The following ZC3H18 variants were observed in gnomAD, a reference collection of about 807,000 sequenced individuals.
ZC3H18 encodes zinc finger CCCH-type containing 18.
In ZC3H18, 8 loss-of-function variants were observed where a neutral mutation model predicts 106.1. The observed-to-expected ratio is 0.08, with a 90% confidence interval of 0.04 to 0.14. The LOEUF is 0.14. Among genes scored for constraint, ZC3H18 ranks in the 10% least tolerant of loss-of-function variants. The pLI is 1.00. For synonymous variants in ZC3H18, 635 were observed against 522.1 expected (o/e 1.22, Z -2.95); for missense variants, 1,318 against 1,278.4 (o/e 1.03, Z -0.47).
At chr16:88,605,091 T>C (rs1038364959) in intron 6 of ZC3H18, among the ~76,000 whole-genome samples, 1 of 152,242 alleles carries the variant, frequency 6.6e-6, no homozygotes, top group African/African-American at 2.4e-5. Flanking sequence ...GTCTACCAGA[T>C]GCTGGTCCAG....
intron 6 of ZC3H18, chr16:88,608,567 T>A (rs1905122154): frequency 6.4e-6 from 1 of 156,976 alleles, no homozygotes; most frequent in African/African-American, 2.4e-5. Context: ...TTCTCCATGT[T>A]GGTCAGGCTG....
chr16:88,571,874 G>C (rs576086879), intron 1 of ZC3H18, among the ~76,000 whole-genome samples: 1 of 152,338 alleles, frequency 6.6e-6, no homozygotes, highest in South Asian at 2.1e-4. Context: ...ATTTTAACCA[G>C]ATGTACCAGA....
chr16:88,610,316 G>A (rs564802023), intron 7 of ZC3H18, among the ~76,000 whole-genome samples: 13 of 152,172 alleles, frequency 8.5e-5, no homozygotes, highest in Admixed American at 2.0e-4. Flanking sequence ...GACCAGGTGC[G>A]GCTGTCTCCT....
chr16:88,624,392 G>A (rs1470283914), intron 11 of ZC3H18: 20 of 781,600 alleles, frequency 2.6e-5, no homozygotes, highest in Middle Eastern at 7.4e-4. Context: ...CTGTTAGAGG[G>A]GAGCCTGGAA....
At chr16:88,593,593 C>G (rs1416979600) in intron 3 of ZC3H18, among the ~76,000 whole-genome samples, 1 of 152,216 alleles carries the variant, frequency 6.6e-6, no homozygotes, top group Non-Finnish European at 1.5e-5. Context: ...GTGGGTAGAG[C>G]CCCTGCCGGC....
At chr16:88,571,290 G>A (rs1414461763) in intron 1 of ZC3H18, among the ~76,000 whole-genome samples, 1 of 152,228 alleles carries the variant, frequency 6.6e-6, no homozygotes, top group Non-Finnish European at 1.5e-5. Context: ...TAACTCATTT[G>A]CAAGAGTAGG....
chr16:88,575,379 C>T (rs1344685871), intron 1 of ZC3H18, among the ~76,000 whole-genome samples: 5 of 151,918 alleles, frequency 3.3e-5, no homozygotes, highest in South Asian at 2.1e-4. Flanking sequence ...CAGACCTTGC[C>T]GAGATGCCGA....
intron 6 of ZC3H18, among the ~76,000 whole-genome samples, chr16:88,606,339 A>G (rs1357771446): frequency 1.3e-5 from 2 of 152,268 alleles, no homozygotes; most frequent in East Asian, 1.9e-4. Context: ...TCTAGAACGC[A>G]TGCTGCGGAG....
chr16:88,623,013 G>T, intron 9 of ZC3H18: 3 of 688,066 alleles, frequency 4.4e-6, no homozygotes, highest in Non-Finnish European at 7.1e-6. Context: ...ATGCCGTTCT[G>T]CACCAAGGAG....
chr16:88,601,704 G>C (rs1369999999), intron 6 of ZC3H18, among the ~76,000 whole-genome samples: 1 of 152,164 alleles, frequency 6.6e-6, no homozygotes. Context: ...TTTCACTGGT[G>C]TCTGAAAGCC....
chr16:88,582,373 C>T (rs980009124), intron 2 of ZC3H18, among the ~76,000 whole-genome samples: 4 of 151,862 alleles, frequency 2.6e-5, no homozygotes, highest in Non-Finnish European at 4.4e-5. Flanking sequence ...TACAGGCATC[C>T]GCCACCACGG....
At chr16:88,623,868 T>C (rs1906124057) in intron 10 of ZC3H18, 90 bp from the exon 11 acceptor site, 4 of 1,493,066 alleles carry the variant, frequency 2.7e-6, no homozygotes, top group South Asian at 2.9e-5. Context: ...TTCGTGGCCT[T>C]CTCCATGGGT....
At chr16:88,579,475 G>T (rs769214713) in intron 2 of ZC3H18, among the ~76,000 whole-genome samples, 16 of 152,132 alleles carry the variant, frequency 1.1e-4, no homozygotes, top group Non-Finnish European at 1.8e-4. Context: ...CGGATCAAGG[G>T]TCCCCATAGT....
intron 10 of ZC3H18, 139 bp downstream of exon 10, chr16:88,623,483 G>A (rs1368821346): frequency 2.5e-6 from 3 of 1,205,028 alleles, no homozygotes; most frequent in Admixed American, 5.2e-5. Flanking sequence ...GATGGCCAGG[G>A]GGTCGTGTCC....
At chr16:88,622,071 T>G in intron 8 of ZC3H18, 126 bp from the exon 9 acceptor site, 1 of 1,184,480 alleles carries the variant, frequency 8.4e-7, no homozygotes, top group Non-Finnish European at 1.2e-6. Flanking sequence ...TTAGGACCCT[T>G]TGTTTCTCAG....
chr16:88,601,666 A>C (rs1046993009), intron 6 of ZC3H18, among the ~76,000 whole-genome samples: 1 of 152,072 alleles, frequency 6.6e-6, no homozygotes, highest in Non-Finnish European at 1.5e-5. Flanking sequence ...CCCAAATGTT[A>C]AAGTCTCGGC....
chr16:88,588,240 C>A (rs1033853618), intron 3 of ZC3H18, among the ~76,000 whole-genome samples: 2 of 152,226 alleles, frequency 1.3e-5, no homozygotes, highest in Admixed American at 1.3e-4. Context: ...GGAGAACAAT[C>A]TGTACACATG....
intron 13 of ZC3H18, chr16:88,626,000 T>C (rs957698505): frequency 2.0e-5 from 3 of 152,140 alleles, no homozygotes; most frequent in Non-Finnish European, 2.9e-5. Context: ...TTTTCTGTAT[T>C]TTAGTAGAGA....
At chr16:88,601,262 G>A (rs1043099772) in intron 6 of ZC3H18, among the ~76,000 whole-genome samples, 5 of 152,256 alleles carry the variant, frequency 3.3e-5, no homozygotes, top group Non-Finnish European at 7.3e-5. Context: ...AGGAGCATTT[G>A]AGTCAGAACT....
Sources: gnomAD v4.1 joint callset for allele counts (sites outside exome capture counted in the v4.1 genomes callset) on GRCh38, gnomAD v4.1.1 for gene constraint, MANE v1.5 for transcripts, NCBI Gene and HGNC (gene_info 2026-07-23, HGNC 2026-07-21) for gene names.